DYNC2H1: variants seen among roughly 807,000 people sequenced by gnomAD.
DYNC2H1 encodes the protein cytoplasmic dynein 2 heavy chain 1.
Under a neutral mutation model 570.0 loss-of-function variants are expected in DYNC2H1, and 410 were observed. The ratio of observed to expected loss-of-function variants is 0.72; its 90% confidence interval spans 0.66 to 0.78. The LOEUF is 0.78. DYNC2H1 is among the 30% of genes least tolerant of loss of function. The pLI is 0.00. For missense variants in DYNC2H1, 4,865 were observed against 5,046.4 expected, an observed-to-expected ratio of 0.96 and a Z score of 1.09; for synonymous variants, 1,688 against 1,677.6, an observed-to-expected ratio of 1.01 and a Z score of -0.15.
intron 83 of DYNC2H1, among the ~76,000 whole-genome samples, chr11:103,390,392 T>C (rs1942089164): frequency 2.0e-5 from 3 of 150,798 alleles, no homozygotes; most frequent in African/African-American, 4.9e-5. Context: ...TATATGTGTC[T>C]CTGCACATGA....
At chr11:103,197,887 A>G in intron 47 of DYNC2H1, 46 bp from the exon 48 acceptor site, 1 of 1,541,234 alleles carries the variant, frequency 6.5e-7, no homozygotes, top group Non-Finnish European at 8.8e-7. Context: ...TTGAACTCTC[A>G]TTACGAGTAA....
chr11:103,338,819 G>T (rs1159535404), intron 82 of DYNC2H1, among the ~76,000 whole-genome samples: 1 of 152,106 alleles, frequency 6.6e-6, no homozygotes, highest in Non-Finnish European at 1.5e-5. Context: ...TTGGTCACTG[G>T]TGCCCTATTT....
At chr11:103,362,179 A>C (rs1940675130) in intron 83 of DYNC2H1, among the ~76,000 whole-genome samples, 1 of 152,178 alleles carries the variant, frequency 6.6e-6, no homozygotes, top group South Asian at 2.1e-4. Context: ...AATGAGAAAG[A>C]TCCCGTTGAG....
chr11:103,409,937 G>T (rs1324670141), intron 84 of DYNC2H1, among the ~76,000 whole-genome samples: 1 of 152,014 alleles, frequency 6.6e-6, no homozygotes, highest in African/African-American at 2.4e-5. Flanking sequence ...TGTCTATTGT[G>T]CCAGGATAAA....
At chr11:103,451,047 A>G (rs1001869288) in intron 85 of DYNC2H1, among the ~76,000 whole-genome samples, 2 of 152,160 alleles carry the variant, frequency 1.3e-5, no homozygotes, top group African/African-American at 4.8e-5. Flanking sequence ...GATATGCCAT[A>G]ATTTAATCAG....
chr11:103,130,472 CT>C (rs1202090516), intron 13 of DYNC2H1, among the ~76,000 whole-genome samples: 1 of 152,204 alleles, frequency 6.6e-6, no homozygotes, highest in Admixed American at 6.5e-5. Context: ...ATTAAAAGCA[CT>C]TTTTTTCTTG....
chr11:103,270,473 G>A (rs541753844), intron 70 of DYNC2H1, among the ~76,000 whole-genome samples: 5 of 151,710 alleles, frequency 3.3e-5, no homozygotes, highest in African/African-American at 1.2e-4. Flanking sequence ...ATAACTAATA[G>A]TAAAATAGAA....
At chr11:103,473,610 TA>T (rs1945459631) in intron 88 of DYNC2H1, among the ~76,000 whole-genome samples, 1 of 152,190 alleles carries the variant, frequency 6.6e-6, no homozygotes. Context: ...AAAGATTACT[TA>T]CCACACAACC....
chr11:103,283,877 A>AT (rs893164674), intron 73 of DYNC2H1, among the ~76,000 whole-genome samples: 21 of 150,190 alleles, frequency 1.4e-4, no homozygotes, highest in African/African-American at 4.4e-4. Flanking sequence ...TATATCCTCC[A>AT]TTTTTTTTTC....
At chr11:103,467,794 C>A (rs1057287192) in intron 87 of DYNC2H1, among the ~76,000 whole-genome samples, 8 of 152,182 alleles carry the variant, frequency 5.3e-5, no homozygotes, top group African/African-American at 9.7e-5. Context: ...GCCTCAGCCT[C>A]CCAAAGTGCT....
At chr11:103,470,646 A>G (rs779645304) in intron 88 of DYNC2H1, among the ~76,000 whole-genome samples, 3 of 152,048 alleles carry the variant, frequency 2.0e-5, no homozygotes, top group Non-Finnish European at 2.9e-5. Context: ...ATTCCCACCT[A>G]TGAGTGAGAA....
intron 11 of DYNC2H1, among the ~76,000 whole-genome samples, chr11:103,123,493 A>G (rs868300213): frequency 6.6e-6 from 1 of 152,190 alleles, no homozygotes; most frequent in Non-Finnish European, 1.5e-5. Flanking sequence ...ATGGGAATTT[A>G]AATCTGGAAT....
intron 82 of DYNC2H1, among the ~76,000 whole-genome samples, chr11:103,337,008 C>T (rs551165311): frequency 2.6e-5 from 4 of 152,142 alleles, no homozygotes; most frequent in African/African-American, 4.8e-5. Context: ...GGCCATGACG[C>T]CCACGCTGAA....
Position 103,441,179 on chromosome 11 carries a change from G to A in DYNC2H1, c.12456+5147G>A, listed in dbSNP as rs1243510775. On this transcript the variant is annotated intron_variant, in intron 85 of 88. Coordinates refer to ENST00000375735, the MANE Select transcript of DYNC2H1 (RefSeq NM_001377.3). Reference sequence around the variant, plus strand: ...CTAGCCATACTGGTCTTGCTTTTCAGTGAACAAACCCAGCTCGCTCCCTCT... The same window carrying A: ...CTAGCCATACTGGTCTTGCTTTTCAATGAACAAACCCAGCTCGCTCCCTCT... 2.6e-5 allele frequency among the ~76,000 whole-genome samples: 4 copies of A among 151,978 alleles called. 1 individual carries two copies. Among genetic ancestry groups the A allele is most frequent in the South Asian group, 4.2e-4 (2 of 4,818 alleles).
In DYNC2H1 at chr11:103,156,676, A is replaced by ATT; in HGVS notation, c.4034_4035dup (p.Gln1346PhefsTer34). 1 of 1,613,436 alleles carries ATT rather than the reference A, an allele frequency of 6.2e-7. No individual in the cohort carries two copies. Among genetic ancestry groups the ATT allele is most frequent in the Non-Finnish European group, 8.5e-7 (1 of 1,179,698 alleles). ...TGAATACCTGCAGAATTTAAATCAT[A>ATT]TTCAGAGAAAGTGGGTGTATTTGGA... is the stretch of plus-strand genomic sequence containing the variant. On this transcript the variant is annotated frameshift_variant, in exon 26 of 89. Transcript: ENST00000375735. LOFTEE classifies it high-confidence loss of function.
intron 88 of DYNC2H1, among the ~76,000 whole-genome samples, chr11:103,473,366 A>G (rs1945453008): frequency 6.8e-6 from 1 of 147,210 alleles, no homozygotes; most frequent in Admixed American, 6.9e-5. Context: ...ACAGATTCTT[A>G]AAGTTACTCC....
At chr11:103,272,308 C>A (rs576250563) in intron 70 of DYNC2H1, among the ~76,000 whole-genome samples, 1 of 152,144 alleles carries the variant, frequency 6.6e-6, no homozygotes, top group African/African-American at 2.4e-5. Context: ...TCATTCTGAG[C>A]AAACTATCGC....
In DYNC2H1 at chr11:103,280,659, C is replaced by T. The variant is rs1420083884; in HGVS notation, c.10761+246C>T. Among the ~76,000 whole-genome samples, 1 of 152,040 alleles carries T rather than the reference C, an allele frequency of 6.6e-6. No individual in the cohort carries two copies. The highest frequency in any genetic ancestry group is 1.5e-5 in the Non-Finnish European group (1 of 67,964). On this transcript the variant is annotated intron_variant, in intron 71 of 88. Transcript: ENST00000375735. This position sits in a 1 kb window ranked among gnomAD's most constrained non-coding sequence, Gnocchi z 4.7. ...CAAAGCTGCCTACATTTTTCTGAAC[C>T]CAAGTTCACTTACTTAGGGCAACAG...
intron 47 of DYNC2H1, 100 bp from the exon 48 acceptor site, chr11:103,197,833 T>C: frequency 7.7e-7 from 1 of 1,305,048 alleles, no homozygotes; most frequent in Non-Finnish European, 1.1e-6. Flanking sequence ...GATGATCTTA[T>C]TTGGATTATT....
Sources: gnomAD v4.1 joint callset for allele counts (sites outside exome capture counted in the v4.1 genomes callset) on GRCh38, gnomAD v4.1.1 for gene constraint, Gnocchi (gnomAD v3.1) non-coding constraint, MANE v1.5 for transcripts, NCBI Gene and HGNC (gene_info 2026-07-23, HGNC 2026-07-21) for gene names.